TOMM40: variants seen among roughly 807,000 people sequenced by gnomAD.
The protein encoded by TOMM40 is translocase of outer mitochondrial membrane 40.
In TOMM40, 9 loss-of-function variants were observed where a neutral mutation model predicts 38.4. The ratio of observed to expected loss-of-function variants is 0.23; its 90% CI spans 0.14 to 0.41. The LOEUF is 0.41. TOMM40 is among the 10% of genes least tolerant of loss of function. The pLI is 1.00. For synonymous variants in TOMM40, 184 were observed against 210.0 expected, an observed-to-expected ratio of 0.88 and a Z score of 1.07; for missense variants, 299 against 486.5, an observed-to-expected ratio of 0.61 and a Z score of 3.63.
At chr19:44,897,384 TTGAA>T (rs1159477980) in intron 5 of TOMM40, among the ~76,000 whole-genome samples, 1 of 152,118 alleles carries the variant, frequency 6.6e-6, no homozygotes, top group Non-Finnish European at 1.5e-5. Flanking sequence ...TCCCCCTTGA[TTGAA>T]TGAGGGGATA....
rs1028771628 is a variant in TOMM40 at position 44,901,110 on chromosome 19, T to C, written c.843+6T>C. The C allele has an allele frequency of 2.5e-6, 4 of 1,614,094 alleles. No individual in the cohort carries two copies. The highest frequency in any genetic ancestry group is 2.5e-6 in the Non-Finnish European group (3 of 1,180,004). On this transcript the variant is annotated splice_donor_region_variant and intron_variant, in intron 7 of 8. Coordinates refer to ENST00000426677, the MANE Select transcript of TOMM40 (RefSeq NM_001128917.2). ...ACCACAAAGCCAGTGACCAGGTGAG[T>C]GGGTGCAGGGACTAGCTGGTGCTGC...
At chr19:44,899,729 G>A (rs1310404965) in intron 5 of TOMM40, among the ~76,000 whole-genome samples, 1 of 145,974 alleles carries the variant, frequency 6.9e-6, no homozygotes, top group Non-Finnish European at 1.5e-5. Flanking sequence ...CTGACCTCAA[G>A]CTGTCCTCTT....
intron 5 of TOMM40, 128 bp downstream of exon 5, chr19:44,894,194 A>G: frequency 1.6e-6 from 1 of 623,590 alleles, no homozygotes; most frequent in Non-Finnish European, 2.7e-6. Flanking sequence ...ATTTTGAAAC[A>G]TCAGGCAACA....
chr19:44,897,696 C>G (rs1251345283), intron 5 of TOMM40, among the ~76,000 whole-genome samples: 2 of 151,716 alleles, frequency 1.3e-5, no homozygotes, highest in South Asian at 2.1e-4. Context: ...GTCACTTGAA[C>G]CCGGGAGGCA....
rs747251550 is a variant in TOMM40, at chr19:44,892,905, G to C, written c.411G>C (p.Gly137=). The C allele has an allele frequency of 6.2e-7, 1 of 1,613,938 alleles. No homozygotes were observed. The highest frequency in any genetic ancestry group is 1.7e-5 in the Admixed American group (1 of 60,002). The change falls in exon 3 of 9, where the codon GGG becomes GGC. Residue 137 remains glycine, a synonymous_variant. Transcript: ENST00000426677. The stretch of plus-strand genomic sequence containing the variant: ...ACCACTTCGGGGTCACATATGTGGG[G>C]ACAAAGCAGCTGAGTCCCACAGAGG... ...SNYHFGVTYV[G]TKQLSPTEAF...
At position 44,894,037 on chromosome 19, in the gene TOMM40, TG is replaced by T; in HGVS notation, c.618del (p.Asn207ThrfsTer12). 1.3e-6 allele frequency: 2 copies of T among 1,526,160 alleles called. No homozygotes were observed. The highest frequency in any genetic ancestry group is 2.1e-5 in the Admixed American group (1 of 48,596). The allele number at this position is 1,526,160 out of a possible 1,614,324, so 94.5% of individuals were successfully genotyped here. A position where few individuals can be genotyped will look rare whatever the true frequency, so the allele number is the denominator to read the frequency against. On this transcript the variant is annotated frameshift_variant, in exon 5 of 9. Transcript: ENST00000426677. LOFTEE classifies it high-confidence loss of function. ...RGSDFTAAVT[L>X]GNPDVLVGSG... is the part of the protein sequence containing the mutation. ...TCTGACTTCACAGCAGCCGTCACCC[TG>T]GGGAACCCAGACGTCCTCGTGGGTT...
chr19:44,896,244 C>T (rs1182817776), intron 5 of TOMM40, among the ~76,000 whole-genome samples: 1 of 152,190 alleles, frequency 6.6e-6, no homozygotes, highest in Non-Finnish European at 1.5e-5. Context: ...CAGGGCCTGC[C>T]GTGTGCCGGT....
intron 3 of TOMM40, 100 bp downstream of exon 3, chr19:44,893,029 C>CCGAGAG (rs1453434735): frequency 1.1e-6 from 1 of 951,140 alleles, no homozygotes; most frequent in Non-Finnish European, 1.6e-6. Context: ...GTCACAGCTA[C>CCGAGAG]CGAGAGCCTG....
In TOMM40 at chr19:44,903,040, T is replaced by C; in HGVS notation, c.957T>C (p.Asp319=). 6.2e-7 allele frequency: 1 copy of C among 1,613,112 alleles called. No homozygotes were observed. Among genetic ancestry groups the C allele is most frequent in the Non-Finnish European group, 8.5e-7 (1 of 1,179,908 alleles). Residue 319 remains aspartate (D), a synonymous_variant, in exon 9 of 9, where the codon GAT becomes GAC. Coordinates refer to ENST00000426677, the MANE Select transcript of TOMM40 (RefSeq NM_001128917.2). Reference sequence around the variant, plus strand: ...AGCTCTTCCCTGCAGGCTCTGTGGATAGCAACTGGATCGTGGGTGCCACGC... The same window carrying C: ...AGCTCTTCCCTGCAGGCTCTGTGGACAGCAACTGGATCGTGGGTGCCACGC... ...KANLLFKGSV[D]SNWIVGATLE...
rs1371001987 is a variant in TOMM40, at chr19:44,901,297, C to T, written c.933C>T (p.Asn311=). The change falls in exon 8 of 9, where the codon AAC becomes AAT. Residue 311 remains asparagine (N), a synonymous_variant. Transcript: ENST00000426677. ...FGYQLDLPKA[N]LLFKGSVDSN... ...ACCAGCTGGACCTGCCCAAGGCCAA[C>T]CTCCTCTTCAAAGGTAAAGGTCTCG... The T allele has an allele frequency of 6.2e-7, 1 of 1,613,818 alleles. No individual in the cohort carries two copies. The highest frequency in any genetic ancestry group is 1.3e-5 in the African/African-American group (1 of 74,934).
intron 5 of TOMM40, 32 bp downstream of exon 5, chr19:44,894,098 A>G: frequency 6.9e-7 from 1 of 1,457,694 alleles, no homozygotes; most frequent in Non-Finnish European, 9.2e-7. Context: ...GGGTGGTCAC[A>G]AAACTGCAGT....
Position 44,899,882 on chromosome 19 carries a change from A to G in TOMM40, c.644-848A>G, listed in dbSNP as rs543741500. Among the ~76,000 whole-genome samples, 245 of 141,342 alleles carry G rather than the reference A, an allele frequency of 1.7e-3. 2 individuals carry two copies. The highest frequency in any genetic ancestry group is 2.0e-3 in the Non-Finnish European group (133 of 66,508). The allele number at this position is 141,342 out of a possible 152,430, so 92.7% of individuals were successfully genotyped here. On this transcript the variant is annotated intron_variant, in intron 5 of 8. Transcript: ENST00000426677. Reference sequence around the variant, plus strand: ...GGCTTCGAATGCCTAGGCTCAAGCAATCCTCCCTTCTCAGCCTCCCAAATA... The same window carrying G: ...GGCTTCGAATGCCTAGGCTCAAGCAGTCCTCCCTTCTCAGCCTCCCAAATA...
chr19:44,895,125 G>A (rs984958649), intron 5 of TOMM40, among the ~76,000 whole-genome samples: 2 of 152,300 alleles, frequency 1.3e-5, no homozygotes, highest in East Asian at 1.9e-4. Context: ...GCTCTTGAGC[G>A]CTGAGTCCTG....
chr19:44,895,721 A>G (rs1013758122), intron 5 of TOMM40, among the ~76,000 whole-genome samples: 5 of 151,764 alleles, frequency 3.3e-5, no homozygotes, highest in Non-Finnish European at 5.9e-5. Flanking sequence ...TAATTTTTGT[A>G]TTTTTAGTAG....
intron 5 of TOMM40, among the ~76,000 whole-genome samples, chr19:44,896,022 C>T (rs937552780): frequency 2.6e-5 from 4 of 152,188 alleles, no homozygotes; most frequent in Non-Finnish European, 5.9e-5. Context: ...CTTGCAAGGC[C>T]AAGAGGAGGT....
chr19:44,896,166 G>A (rs1969561512), intron 5 of TOMM40, among the ~76,000 whole-genome samples: 1 of 152,142 alleles, frequency 6.6e-6, no homozygotes, highest in South Asian at 2.1e-4. Flanking sequence ...GGAGCCCAGG[G>A]CCACCAGTGA....
At position 44,901,330 on chromosome 19, in the gene TOMM40, T is replaced by G. The variant is rs1487135373; in HGVS notation, c.946+20T>G. 2.5e-6 allele frequency: 4 copies of G among 1,608,162 alleles called. No homozygotes were observed. The highest frequency in any genetic ancestry group is 3.4e-6 in the Non-Finnish European group (4 of 1,177,114). On this transcript the variant is annotated intron_variant, in intron 8 of 8. Coordinates refer to ENST00000426677, the MANE Select transcript of TOMM40 (RefSeq NM_001128917.2). ...TCAAAGGTAAAGGTCTCGGTTCCCC[T>G]ACGCGGGAAACAGGCAGGAGGTGAC...
Position 44,891,624 on chromosome 19 carries a change from AG to A in TOMM40, c.211del (p.Asp71MetfsTer39). 1 of 1,483,966 alleles carries A rather than the reference AG, an allele frequency of 6.7e-7. No individual in the cohort carries two copies. Among genetic ancestry groups the A allele is most frequent in the Non-Finnish European group, 8.9e-7 (1 of 1,121,776 alleles). The allele number at this position is 1,483,966 out of a possible 1,614,324, so 91.9% of individuals were successfully genotyped here. ...ACCGCCAGCGCCTCAGGGGCCGCCG[AG>A]GATGGGGCCTGCGGCTGCCTGCCCA... Reference protein sequence around the residue: ...AATASASGAAEDGACGCLPNP... With the variant: ...AATASASGAAXDGACGCLPNP... On this transcript the variant is annotated frameshift_variant, in exon 1 of 9. Coordinates refer to ENST00000426677, the MANE Select transcript of TOMM40 (RefSeq NM_001128917.2). LOFTEE classifies it high-confidence loss of function.
chr19:44,896,679 T>C (rs1462024161), intron 5 of TOMM40, among the ~76,000 whole-genome samples: 1 of 152,106 alleles, frequency 6.6e-6, no homozygotes, highest in Non-Finnish European at 1.5e-5. Context: ...CAGCTCCTTT[T>C]CTGCTTCACT....
Sources: gnomAD v4.1 joint callset for allele counts (sites outside exome capture counted in the v4.1 genomes callset) on GRCh38, gnomAD v4.1.1 for gene constraint, MANE v1.5 for transcripts, NCBI Gene and HGNC (gene_info 2026-07-23, HGNC 2026-07-21) for gene names.